Variants in CDH22 observed in about 807,000 individuals in gnomAD.
CDH22 encodes the protein cadherin 22.
CDH22 carries 30 observed loss-of-function variants against 58.4 expected under a neutral mutation model. That is an observed-to-expected ratio of 0.51 (90% CI 0.38 to 0.70). The LOEUF (loss-of-function observed/expected upper bound fraction) is 0.70, where lower values mean the gene tolerates loss of function less well. Ranked by LOEUF, CDH22 falls within the 30% of genes least tolerant of loss-of-function variation. The pLI, the probability that CDH22 is intolerant of heterozygous loss-of-function variation, is 0.00. For missense variants in CDH22, 1,014 were observed against 1,233.9 expected (o/e 0.82, Z 2.67); for synonymous variants, 513 against 558.2 (o/e 0.92, Z 1.14).
intron 10 of CDH22, among the ~76,000 whole-genome samples, chr20:46,180,040 C>A (rs1001312146): frequency 9.2e-5 from 14 of 151,666 alleles, no homozygotes; most frequent in Non-Finnish European, 7.3e-5. Flanking sequence ...TATGGCTCCC[C>A]GCTCCCTGCT....
chr20:46,285,148 C>T (rs1169831727), intron 1 of CDH22, among the ~76,000 whole-genome samples: 2 of 152,198 alleles, frequency 1.3e-5, no homozygotes, highest in African/African-American at 2.4e-5. Flanking sequence ...TTGCATGTGC[C>T]GTGACCATCC....
chr20:46,291,451 T>G lies in CDH22; in HGVS notation c.-400+16804A>C, dbSNP rs1837780818. ...CTACCATAATCCCCGTTTTACAGAT[T>G]GGAAATGGAGGCAAAGGGGTCAGGT... On this transcript the variant is annotated intron_variant, in intron 1 of 11. Coordinates refer to ENST00000537909, the MANE Select transcript of CDH22 (RefSeq NM_021248.3). Among the ~76,000 whole-genome samples, 3 of 152,230 alleles carry G rather than the reference T, an allele frequency of 2.0e-5. No individual in the cohort carries two copies. The South Asian group carries it at 6.2e-4, about 31-fold the overall frequency.
At chr20:46,239,030 G>T (rs370447517) in intron 3 of CDH22, among the ~76,000 whole-genome samples, 3 of 152,142 alleles carry the variant, frequency 2.0e-5, no homozygotes, top group African/African-American at 2.4e-5. Context: ...CATTCCCTCC[G>T]CCTGGAATGC....
At chr20:46,206,391 A>T (rs2086002177) in intron 7 of CDH22, among the ~76,000 whole-genome samples, 1 of 152,148 alleles carries the variant, frequency 6.6e-6, no homozygotes, top group Non-Finnish European at 1.5e-5. Context: ...ACCTTCTACT[A>T]TCTCCAGTGC....
At chr20:46,223,951 T>C (rs1364620054) in intron 4 of CDH22, among the ~76,000 whole-genome samples, 2 of 152,014 alleles carry the variant, frequency 1.3e-5, no homozygotes, top group Non-Finnish European at 2.9e-5. Context: ...CCTCCTGGGT[T>C]CAGGCAATTC....
rs1201138723 is a variant in CDH22 at position 46,174,841 on chromosome 20, C to G, written c.2152G>C (p.Ala718Pro). The change falls in exon 12 of 12, where the codon GCG (alanine) becomes CCG (proline). Residue 718 changes from alanine to proline, a missense_variant. By Grantham distance (27) the Ala-to-Pro change is conservative. This residue lies in a region of CDH22 where 208 missense variants were observed against 195.2 expected (regional missense o/e 1.07). Transcript: ENST00000537909. This position sits in a 1 kb window ranked among gnomAD's most constrained non-coding sequence, Gnocchi z 4.4. ...GGAGGGSGGG[A>P]GSPPQAHLPS... Reference sequence around the variant, plus strand: ...AGGTGGGCCTGCGGGGGGCTGCCCGCGCCCCCGCCCGAGCCCCCGCCCGCT... The same window carrying G: ...AGGTGGGCCTGCGGGGGGCTGCCCGGGCCCCCGCCCGAGCCCCCGCCCGCT... 10 of 1,324,402 alleles carry G rather than the reference C, an allele frequency of 7.6e-6. 1 individual carries two copies. In the Admixed American group the frequency reaches 1.9e-4, roughly 25 times the overall value. 82.0% of individuals were successfully genotyped at this position (1,324,402 alleles called of 1,614,324 possible). A position where few individuals can be genotyped will look rare whatever the true frequency, so the allele number is the denominator to read the frequency against.
intron 10 of CDH22, among the ~76,000 whole-genome samples, chr20:46,186,095 T>C (rs964796218): frequency 8.6e-5 from 13 of 150,680 alleles, no homozygotes; most frequent in African/African-American, 3.2e-4. Context: ...ACATCTATGC[T>C]CCGAGCTACT....
chr20:46,304,868 G>C (rs1390815317), intron 1 of CDH22, among the ~76,000 whole-genome samples: 2 of 152,208 alleles, frequency 1.3e-5, no homozygotes, highest in Non-Finnish European at 2.9e-5. Context: ...GCCCATGGCT[G>C]GTAAGTATAT....
At chr20:46,253,068 G>A (rs1157566587) in intron 1 of CDH22, among the ~76,000 whole-genome samples, 3 of 152,212 alleles carry the variant, frequency 2.0e-5, no homozygotes, top group Non-Finnish European at 4.4e-5. Flanking sequence ...TGTGTAGTGG[G>A]TTGGGGTGGG....
chr20:46,193,621 A>C (rs544989604), intron 8 of CDH22, among the ~76,000 whole-genome samples: 1 of 152,024 alleles, frequency 6.6e-6, no homozygotes, highest in Non-Finnish European at 1.5e-5. Flanking sequence ...CCCTTTCTGT[A>C]CAGGCCCAGT....
chr20:46,210,536 C>T lies in CDH22; in HGVS notation c.1057G>A (p.Val353Met), dbSNP rs767621231. 4 of 1,429,730 alleles carry T rather than the reference C, an allele frequency of 2.8e-6. No homozygotes were observed. Among genetic ancestry groups the T allele is most frequent in the Non-Finnish European group, 1.8e-6 (2 of 1,088,582 alleles). 88.6% of individuals were successfully genotyped at this position (1,429,730 alleles called of 1,614,324 possible). A position where few individuals can be genotyped will look rare whatever the true frequency, so the allele number is the denominator to read the frequency against. Residue 353 changes from valine to methionine, a missense_variant, in exon 7 of 12, where the codon GTG becomes ATG. By Grantham distance (21) the Val-to-Met change is conservative. Around this residue, in one of 2 missense-constraint regions of CDH22, gnomAD observed 806 missense variants for 1,038.7 expected, o/e 0.78. Transcript: ENST00000537909. The surrounding 1 kb of genome is among the most constrained non-coding windows in gnomAD (Gnocchi z 4.5). Reference protein sequence around the residue: ...QKRLDFESQPVHTVILEALNK... With the variant: ...QKRLDFESQPMHTVILEALNK... ...AGGGCCTCCAGGATCACGGTGTGCA[C>T]GGGCTGGGATTCGAAGTCCAGGCGC...
rs2059032728 is a variant in CDH22, at chr20:46,308,300, C to G, written c.-445G>C. The G allele has an allele frequency of 6.1e-6, 1 of 164,636 alleles. No individual in the cohort carries two copies. The highest frequency in any genetic ancestry group is 1.3e-5 in the Non-Finnish European group (1 of 76,208). The allele number at this position is 164,636 out of a possible 1,614,324, so 10.2% of individuals were successfully genotyped here. ...TCCCCCTAGTCCTGCCGCCTCGGGA[C>G]GCTGCGTGGGGCGGGAGCCCCGGCG... is the stretch of plus-strand genomic sequence containing the variant. On this transcript the variant is annotated 5_prime_UTR_variant, in exon 1 of 12. Coordinates refer to ENST00000537909, the MANE Select transcript of CDH22 (RefSeq NM_021248.3). The surrounding 1 kb of genome is among the most constrained non-coding windows in gnomAD (Gnocchi z 4.3).
rs556600127 is a variant in CDH22, at chr20:46,248,615, G to C, written c.255+2425C>G. Reference sequence around the variant, plus strand: ...AGGCAGGTGGATCACTTGAGGTCAGGAGTTCAAAGCCAGACTGGCCAACAT... The same window carrying C: ...AGGCAGGTGGATCACTTGAGGTCAGCAGTTCAAAGCCAGACTGGCCAACAT... On this transcript the variant is annotated intron_variant, in intron 2 of 11. Transcript: ENST00000537909. Among the ~76,000 whole-genome samples the C allele has an allele frequency of 4.0e-4, 61 of 152,256 alleles. 1 individual carries two copies. In the South Asian group the frequency reaches 0.013, roughly 32 times the overall value.
At chr20:46,249,646 G>A (rs2086355869) in intron 2 of CDH22, among the ~76,000 whole-genome samples, 1 of 152,130 alleles carries the variant, frequency 6.6e-6, no homozygotes, top group Admixed American at 6.5e-5. Flanking sequence ...AAGCACACAG[G>A]AAGCTCTGGA....
intron 4 of CDH22, among the ~76,000 whole-genome samples, chr20:46,227,131 C>T (rs933036513): frequency 5.3e-5 from 8 of 152,200 alleles, no homozygotes; most frequent in African/African-American, 1.9e-4. Flanking sequence ...CTCCCTTCCC[C>T]AAACTACACT....
At chr20:46,194,494 G>C (rs1359027104) in intron 8 of CDH22, among the ~76,000 whole-genome samples, 2 of 152,182 alleles carry the variant, frequency 1.3e-5, no homozygotes, top group East Asian at 3.9e-4. Flanking sequence ...CCCAGGTTGG[G>C]TATGGGGCTG....
chr20:46,181,707 CTTTCT>C (rs1476998096), intron 10 of CDH22, among the ~76,000 whole-genome samples: 1 of 122,226 alleles, frequency 8.2e-6, no homozygotes, highest in African/African-American at 3.1e-5. Context: ...CTTTTCTTTT[CTTTCT>C]TTTTTTCCTT....
In CDH22 at chr20:46,308,073, C is replaced by A. The variant is rs369973790; in HGVS notation, c.-400+182G>T. ...GTGGGAAACTCCCTCCCCGCCCTCC[C>A]GGCCGAGAGGAGGGGGCGCGCAGGG... On this transcript the variant is annotated intron_variant, in intron 1 of 11. Transcript: ENST00000537909. This position sits in a 1 kb window ranked among gnomAD's most constrained non-coding sequence, Gnocchi z 4.3. Among the ~76,000 whole-genome samples the A allele has an allele frequency of 4.0e-5, 6 of 151,508 alleles. No homozygotes were observed. In the East Asian group the frequency reaches 7.8e-4, roughly 20 times the overall value.
chr20:46,209,414 T>G (rs923148229), intron 7 of CDH22, among the ~76,000 whole-genome samples: 18 of 152,030 alleles, frequency 1.2e-4, no homozygotes, highest in African/African-American at 4.3e-4. Flanking sequence ...GCCAGAGCTG[T>G]CATTGTAAGG....
Sources: allele counts gnomAD v4.1 joint callset (sites outside exome capture counted in the v4.1 genomes callset), GRCh38; gene constraint gnomAD v4.1.1; regional missense constraint gnomAD v4.1.1; non-coding constraint Gnocchi (gnomAD v3.1); transcripts MANE v1.5; gene names NCBI Gene and HGNC (gene_info 2026-07-23, HGNC 2026-07-21).